RMI2: variants seen among roughly 807,000 people sequenced by gnomAD.
RMI2 encodes the protein RecQ mediated genome instability 2.
Under a neutral mutation model 8.4 loss-of-function variants are expected in RMI2, and 11 were observed. That is an observed-to-expected ratio of 1.32 (90% CI 0.83 to 2.18). The LOEUF (loss-of-function observed/expected upper bound fraction) is 2.18. Ranked by LOEUF, RMI2 falls within the 30% of genes most tolerant of loss-of-function variation. The pLI is 0.00. For missense variants in RMI2, 253 were observed against 207.5 expected (o/e 1.22, Z -1.35); for synonymous variants, 105 against 93.8 (o/e 1.12, Z -0.69).
Position 11,351,630 on chromosome 16 carries a change from C to G in RMI2, c.*840C>G, listed in dbSNP as rs2070976701. The G allele has an allele frequency of 4.3e-6, 1 of 231,096 alleles. No homozygotes were observed. Among genetic ancestry groups the G allele is most frequent in the Non-Finnish European group, 8.6e-6 (1 of 116,780 alleles). 14.3% of individuals were successfully genotyped at this position (231,096 alleles called of 1,614,324 possible). A position where few individuals can be genotyped will look rare whatever the true frequency, so the allele number is the denominator to read the frequency against. On this transcript the variant is annotated 3_prime_UTR_variant, in exon 2 of 2. Coordinates refer to ENST00000312499, the MANE Select transcript of RMI2 (RefSeq NM_152308.3). ...GATGGTTTTGAATGTTGGGTTTCTG[C>G]TGTCTGCTTAGTACCCATGCCTGAA...
intron 1 of RMI2, among the ~76,000 whole-genome samples, 182 bp downstream of exon 1, chr16:11,345,948 T>A (rs2070858906): frequency 6.6e-6 from 1 of 152,192 alleles, no homozygotes; most frequent in African/African-American, 2.4e-5. Flanking sequence ...TTGGTGAAGT[T>A]GATCTGATGA....
intron 1 of RMI2, among the ~76,000 whole-genome samples, chr16:11,346,282 C>T (rs1193989730): frequency 8.6e-6 from 1 of 116,638 alleles, no homozygotes; most frequent in Admixed American, 1.0e-4. Context: ...TTTTTTGAGA[C>T]GGAGTCTCAC....
chr16:11,351,535 T>G lies in RMI2; in HGVS notation c.*745T>G, dbSNP rs1203665591. 1 of 232,168 alleles carries G rather than the reference T, an allele frequency of 4.3e-6. No homozygotes were observed. The highest frequency in any genetic ancestry group is 8.5e-6 in the Non-Finnish European group (1 of 117,458). 14.4% of individuals were successfully genotyped at this position (232,168 alleles called of 1,614,324 possible). A position where few individuals can be genotyped will look rare whatever the true frequency, so the allele number is the denominator to read the frequency against. ...ATTAGCTAAACTTCCACTTCATAAC[T>G]TTCGGCGAGACATGGTGAGCCTCCT... On this transcript the variant is annotated 3_prime_UTR_variant, in exon 2 of 2. Coordinates refer to ENST00000312499, the MANE Select transcript of RMI2 (RefSeq NM_152308.3).
chr16:11,347,690 C>T (rs867224732), intron 1 of RMI2, among the ~76,000 whole-genome samples: 3 of 152,144 alleles, frequency 2.0e-5, no homozygotes, highest in African/African-American at 4.8e-5. Context: ...TGCCCTCAGC[C>T]GCAGCGTTGG....
chr16:11,347,197 A>G (rs1268898377), intron 1 of RMI2, among the ~76,000 whole-genome samples: 1 of 152,220 alleles, frequency 6.6e-6, no homozygotes, highest in African/African-American at 2.4e-5. Context: ...TTGGGGAGCC[A>G]TGAGGATGTG....
intron 1 of RMI2, among the ~76,000 whole-genome samples, chr16:11,346,413 C>G (rs914195177): frequency 2.0e-5 from 3 of 152,156 alleles, no homozygotes; most frequent in African/African-American, 7.2e-5. Context: ...GCATGTGCCA[C>G]CACACCCGGC....
chr16:11,349,714 C>T lies in RMI2; in HGVS notation c.296-928C>T, dbSNP rs1012091123. ...TCAGGGGTCAGCTTGCCTGGGGCTT[C>T]AGTCAAAGCCCCAGGCCCCACGTGC... is the stretch of plus-strand genomic sequence containing the variant. On this transcript the variant is annotated intron_variant, in intron 1 of 1. Coordinates refer to ENST00000312499, the MANE Select transcript of RMI2 (RefSeq NM_152308.3). This position sits in a 1 kb window ranked among gnomAD's most constrained non-coding sequence, Gnocchi z 4.2. Among the ~76,000 whole-genome samples, 14 of 152,172 alleles carry T rather than the reference C, an allele frequency of 9.2e-5. No homozygotes were observed. Among genetic ancestry groups the T allele is most frequent in the Non-Finnish European group, 1.9e-4 (13 of 68,032 alleles).
Position 11,350,973 on chromosome 16 carries a change from A to G in RMI2, c.*183A>G. On this transcript the variant is annotated 3_prime_UTR_variant, in exon 2 of 2. Transcript: ENST00000312499. Reference sequence around the variant, plus strand: ...TTAAATCCTCGGATACTTCAGTGACACAGCCTCTGCTGCCCCTTGCTTTGC... The same window carrying G: ...TTAAATCCTCGGATACTTCAGTGACGCAGCCTCTGCTGCCCCTTGCTTTGC... The G allele has an allele frequency of 2.1e-6, 1 of 486,190 alleles. No individual in the cohort carries two copies. Among genetic ancestry groups the G allele is most frequent in the Non-Finnish European group, 3.6e-6 (1 of 277,822 alleles). 30.1% of individuals were successfully genotyped at this position (486,190 alleles called of 1,614,324 possible).
Position 11,350,640 on chromosome 16 carries a change from A to T in RMI2, c.296-2A>T. 1 of 1,547,556 alleles carries T rather than the reference A, an allele frequency of 6.5e-7. No homozygotes were observed. Among genetic ancestry groups the T allele is most frequent in the Non-Finnish European group, 8.7e-7 (1 of 1,152,684 alleles). On this transcript the variant is annotated splice_acceptor_variant, in intron 1 of 1. Coordinates refer to ENST00000312499, the MANE Select transcript of RMI2 (RefSeq NM_152308.3). LOFTEE classifies it high-confidence loss of function. ...TACTATGGGCTTTTCTTCTTTTTCTAGGAAAGTATGTGATGGTGATGGGAG... is the reference window on the plus strand; with the variant it reads ...TACTATGGGCTTTTCTTCTTTTTCTTGGAAAGTATGTGATGGTGATGGGAG...
At chr16:11,346,491 C>G (rs543288115) in intron 1 of RMI2, among the ~76,000 whole-genome samples, 2 of 152,170 alleles carry the variant, frequency 1.3e-5, no homozygotes, top group African/African-American at 4.8e-5. Flanking sequence ...GAACTCCTGG[C>G]CTCAAGTGAT....
rs1291350099 is a variant in RMI2, at chr16:11,345,482, C to T, written c.11C>T (p.Ala4Val). Residue 4 changes from alanine to valine, a missense_variant, in exon 1 of 2, where the codon GCT becomes GTT. Ala to Val is a moderately conservative substitution (Grantham distance 64). Transcript: ENST00000312499. MAA[A>V]ADSFSGGPAG... is the part of the protein sequence containing the mutation. ...GTGCGGCGAGGCGGAATGGCGGCGGCTGCGGACTCGTTCTCAGGCGGCCCC... is the reference window on the plus strand; with the variant it reads ...GTGCGGCGAGGCGGAATGGCGGCGGTTGCGGACTCGTTCTCAGGCGGCCCC... 10 of 1,314,510 alleles carry T rather than the reference C, an allele frequency of 7.6e-6. No homozygotes were observed. Among genetic ancestry groups the T allele is most frequent in the African/African-American group, 3.0e-5 (2 of 65,858 alleles). The allele number at this position is 1,314,510 out of a possible 1,614,324, so 81.4% of individuals were successfully genotyped here.
At chr16:11,347,105 C>A (rs536827076) in intron 1 of RMI2, among the ~76,000 whole-genome samples, 1 of 152,236 alleles carries the variant, frequency 6.6e-6, no homozygotes, top group African/African-American at 2.4e-5. Flanking sequence ...CCCTCATGTG[C>A]AGTGTTGGGC....
intron 1 of RMI2, chr16:11,348,445 C>T (rs1405604988): frequency 1.3e-5 from 2 of 152,274 alleles, no homozygotes; most frequent in Non-Finnish European, 2.9e-5. Context: ...GTGTTTGAAC[C>T]CATGGGCATT....
chr16:11,350,645 A>G lies in RMI2; in HGVS notation c.299A>G (p.Lys100Arg), dbSNP rs1309360031. The change falls in exon 2 of 2, where the codon AAG (lysine) becomes AGG (arginine). Residue 100 changes from lysine to arginine, a missense_variant. By Grantham distance (26) the Lys-to-Arg change is conservative. Transcript: ENST00000312499. The stretch of plus-strand genomic sequence containing the variant: ...TGGGCTTTTCTTCTTTTTCTAGGAA[A>G]GTATGTGATGGTGATGGGAGTGGTT... ...PRGRPCLVPG[K>R]YVMVMGVVQA... The G allele has an allele frequency of 5.8e-6, 9 of 1,556,694 alleles. No individual in the cohort carries two copies. The highest frequency in any genetic ancestry group is 1.2e-5 in the South Asian group (1 of 83,138).
At chr16:11,347,750 C>T (rs1470688929) in intron 1 of RMI2, among the ~76,000 whole-genome samples, 3 of 152,106 alleles carry the variant, frequency 2.0e-5, no homozygotes, top group Admixed American at 6.5e-5. Flanking sequence ...ATGTGTCCTG[C>T]GAACTAAAAA....
chr16:11,345,625 C>T lies in RMI2; in HGVS notation c.154C>T (p.Pro52Ser). 8.1e-7 allele frequency: 1 copy of T among 1,238,806 alleles called. No homozygotes were observed. The highest frequency in any genetic ancestry group is 1.0e-6 in the Non-Finnish European group (1 of 992,292). 76.7% of individuals were successfully genotyped at this position (1,238,806 alleles called of 1,614,324 possible). A position where few individuals can be genotyped will look rare whatever the true frequency, so the allele number is the denominator to read the frequency against. ...RLSRAAAGRG[P>S]LDLAAVWMQG... ...GTCACGGGCGGCGGCGGGCCGCGGG[C>T]CGCTGGACCTGGCGGCCGTGTGGAT... is the stretch of plus-strand genomic sequence containing the variant. The change falls in exon 1 of 2, where the codon CCG (proline) becomes TCG (serine). Residue 52 changes from proline to serine, a missense_variant. Pro to Ser is a moderately conservative substitution (Grantham distance 74). Transcript: ENST00000312499.
chr16:11,346,838 C>T (rs943287935), intron 1 of RMI2, among the ~76,000 whole-genome samples: 2 of 152,220 alleles, frequency 1.3e-5, no homozygotes, highest in African/African-American at 4.8e-5. Context: ...AATCCTCCTG[C>T]GTCAGCCTCC....
chr16:11,345,897 C>T (rs1047070413), intron 1 of RMI2, 131 bp downstream of exon 1: 13 of 671,898 alleles, frequency 1.9e-5, no homozygotes, highest in Middle Eastern at 4.6e-4. Flanking sequence ...GGCCTCTGCC[C>T]CTGCGGGTCC....
Position 11,351,586 on chromosome 16 carries a change from T to C in RMI2, c.*796T>C, listed in dbSNP as rs1038941944. Reference sequence around the variant, plus strand: ...GGTGTAGAGTTCTTTTGTCTTTGTATGGAATGACTTTTTGCTGTGATGGTT... The same window carrying C: ...GGTGTAGAGTTCTTTTGTCTTTGTACGGAATGACTTTTTGCTGTGATGGTT... On this transcript the variant is annotated 3_prime_UTR_variant, in exon 2 of 2. Coordinates refer to ENST00000312499, the MANE Select transcript of RMI2 (RefSeq NM_152308.3). The C allele has an allele frequency of 4.3e-6, 1 of 232,262 alleles. No homozygotes were observed. Among genetic ancestry groups the C allele is most frequent in the South Asian group, 1.8e-4 (1 of 5,518 alleles). 14.4% of individuals were successfully genotyped at this position (232,262 alleles called of 1,614,324 possible). A position where few individuals can be genotyped will look rare whatever the true frequency, so the allele number is the denominator to read the frequency against.
Sources: allele counts gnomAD v4.1 joint callset (sites outside exome capture counted in the v4.1 genomes callset), GRCh38; gene constraint gnomAD v4.1.1; non-coding constraint Gnocchi (gnomAD v3.1); transcripts MANE v1.5; gene names NCBI Gene and HGNC (gene_info 2026-07-23, HGNC 2026-07-21).